FTCDNL1: variants seen among roughly 807,000 people sequenced by gnomAD.
The protein encoded by FTCDNL1 is formiminotransferase N-terminal subdomain-containing protein.
Under a neutral mutation model 5.9 loss-of-function variants are expected in FTCDNL1, and 11 were observed. That is an observed-to-expected ratio of 1.87 (90% CI 1.18 to 3.10). FTCDNL1 has a LOEUF of 3.10. Ranked by LOEUF, FTCDNL1 falls within the 30% of genes most tolerant of loss-of-function variation. The pLI is 0.00. For missense variants in FTCDNL1, 115 were observed against 65.5 expected (o/e 1.76, Z -2.61); for synonymous variants, 58 against 24.8 (o/e 2.34, Z -3.99).
chr2:199,813,048 C>T (rs1221463619), intron 4 of FTCDNL1, among the ~76,000 whole-genome samples: 1 of 152,090 alleles, frequency 6.6e-6, no homozygotes, highest in Admixed American at 6.6e-5. Context: ...CAGAAAAAAA[C>T]CAAATGCACT....
At chr2:199,832,970 AT>A (rs201062391) in intron 3 of FTCDNL1, among the ~76,000 whole-genome samples, 3,680 of 142,530 alleles carry the variant, frequency 0.026, 70 homozygotes, top group African/African-American at 0.053. Context: ...CAGCTCCCTA[AT>A]TTTTTTTTTT....
the FTCDNL1 span, among the ~76,000 whole-genome samples, chr2:199,712,392 T>C: frequency 6.6e-6 from 1 of 152,036 alleles, no homozygotes; most frequent in Non-Finnish European, 1.5e-5. Flanking sequence ...TGCAAAAATA[T>C]ATAGTTCAGA....
intron 3 of FTCDNL1, among the ~76,000 whole-genome samples, chr2:199,770,951 T>C (rs1698778734): frequency 6.6e-6 from 1 of 152,210 alleles, no homozygotes; most frequent in South Asian, 2.1e-4. Context: ...TCCAGCCCTG[T>C]TAGAGGCTGA....
chr2:199,771,694 A>G (rs934121991), intron 3 of FTCDNL1, among the ~76,000 whole-genome samples: 2 of 152,258 alleles, frequency 1.3e-5, no homozygotes, highest in Non-Finnish European at 2.9e-5. Context: ...AACTCTAGGC[A>G]AAAGATCATT....
chr2:199,839,964 C>A (rs776125010), intron 3 of FTCDNL1, among the ~76,000 whole-genome samples: 1 of 151,692 alleles, frequency 6.6e-6, no homozygotes, highest in Non-Finnish European at 1.5e-5. Flanking sequence ...CCAAGAAAGT[C>A]AAAAAAGAAA....
intron 3 of FTCDNL1, among the ~76,000 whole-genome samples, chr2:199,833,353 T>C (rs2106590591): frequency 8.4e-6 from 1 of 119,242 alleles, no homozygotes; most frequent in Non-Finnish European, 1.9e-5. Flanking sequence ...TAGTTCATGC[T>C]GATCAGAGAC....
chr2:199,690,085 A>G, the FTCDNL1 span, among the ~76,000 whole-genome samples: 1 of 152,208 alleles, frequency 6.6e-6, no homozygotes, highest in East Asian at 1.9e-4. Context: ...ACATGTAACT[A>G]TTTCTAAATA....
rs535727544 is a variant in FTCDNL1 at position 199,819,405 on chromosome 2, C to T, written c.397+167G>A. The T allele has an allele frequency of 7.2e-4, 430 of 598,256 alleles. 2 individuals are homozygous for T. In the South Asian group the frequency reaches 8.3e-3, roughly 11 times the overall value. 37.1% of individuals were successfully genotyped at this position (598,256 alleles called of 1,614,324 possible). Reference sequence around the variant, plus strand: ...GGGAGCTTCTAGGCTCACAGGTTAGCTTAAAAGGGCCTGGGTGAGAGTAAC... The same window carrying T: ...GGGAGCTTCTAGGCTCACAGGTTAGTTTAAAAGGGCCTGGGTGAGAGTAAC... On this transcript the variant is annotated intron_variant, in intron 4 of 4. Transcript: ENST00000420128.
chr2:199,759,120 T>C (rs1004152946), downstream of FTCDNL1, among the ~76,000 whole-genome samples: 10 of 151,880 alleles, frequency 6.6e-5, no homozygotes, highest in African/African-American at 2.2e-4. Context: ...ATGTATTATA[T>C]GTGTATATAT....
the FTCDNL1 span, among the ~76,000 whole-genome samples, chr2:199,713,493 G>A: frequency 6.6e-6 from 1 of 152,132 alleles, no homozygotes; most frequent in African/African-American, 2.4e-5. Flanking sequence ...CTGAGTTGAG[G>A]AGAAAGACCT....
chr2:199,793,353 G>A (rs1052681669), intron 3 of FTCDNL1, among the ~76,000 whole-genome samples: 1 of 152,022 alleles, frequency 6.6e-6, no homozygotes, highest in Non-Finnish European at 1.5e-5. Flanking sequence ...TATTTCCTGA[G>A]AATAGACGGA....
At chr2:199,848,785 T>C (rs1041489375) in intron 2 of FTCDNL1, 63 bp downstream of exon 2, 1 of 691,990 alleles carries the variant, frequency 1.4e-6, no homozygotes, top group African/African-American at 1.8e-5. Flanking sequence ...GTGTGCACAG[T>C]ACAAAAATTA....
chr2:199,718,396 G>A, the FTCDNL1 span, among the ~76,000 whole-genome samples: 1 of 152,174 alleles, frequency 6.6e-6, no homozygotes, highest in African/African-American at 2.4e-5. Context: ...TTTAAAGGCT[G>A]AGTAGTAGTC....
At chr2:199,703,363 G>GC in the FTCDNL1 span, among the ~76,000 whole-genome samples, 1 of 152,122 alleles carries the variant, frequency 6.6e-6, no homozygotes, top group African/African-American at 2.4e-5. Context: ...GAGATGTGCT[G>GC]CAAGTAACAA....
chr2:199,760,920 T>C, intron 3 of FTCDNL1: 1 of 696,598 alleles, frequency 1.4e-6, no homozygotes, highest in Non-Finnish European at 2.6e-6. Context: ...CCCCATTCCT[T>C]TCCTTGCTTC....
chr2:199,698,762 A>C, the FTCDNL1 span, among the ~76,000 whole-genome samples: 1 of 152,176 alleles, frequency 6.6e-6, no homozygotes, highest in African/African-American at 2.4e-5. Context: ...AGAAAAAAAT[A>C]ACCAAAATGA....
At chr2:199,846,583 A>C (rs1003872014) in intron 2 of FTCDNL1, among the ~76,000 whole-genome samples, 1 of 152,196 alleles carries the variant, frequency 6.6e-6, no homozygotes, top group African/African-American at 2.4e-5. Context: ...TGTTTGGGTC[A>C]AGATCTGACA....
downstream of FTCDNL1, among the ~76,000 whole-genome samples, chr2:199,808,626 T>G (rs541812579): frequency 3.9e-5 from 6 of 152,322 alleles, no homozygotes; most frequent in African/African-American, 1.4e-4. Flanking sequence ...CTGGAGAGGT[T>G]AATTCAGGTA....
chr2:199,764,112 G>A (rs556842797), intron 3 of FTCDNL1, among the ~76,000 whole-genome samples: 9 of 152,290 alleles, frequency 5.9e-5, no homozygotes, highest in Admixed American at 1.3e-4. Flanking sequence ...AAAGTGTTGG[G>A]ATAACAGGCA....
Sources: allele counts gnomAD v4.1 joint callset (sites outside exome capture counted in the v4.1 genomes callset), GRCh38; gene constraint gnomAD v4.1.1; transcripts MANE v1.5; gene names NCBI Gene and HGNC (gene_info 2026-07-23, HGNC 2026-07-21).